Variants in GRM1 observed in about 807,000 individuals in gnomAD.
The protein encoded by GRM1 is glutamate metabotropic receptor 1.
A neutral mutation model predicts 90.9 loss-of-function variants in GRM1; 33 were observed. The observed-to-expected ratio is 0.36, with a 90% CI of 0.28 to 0.49. The LOEUF is 0.49. GRM1 is among the 20% of genes least tolerant of loss of function. GRM1 has a pLI of 0.99. For synonymous variants in GRM1, 700 were observed against 613.2 expected, an observed-to-expected ratio of 1.14 and a Z score of -2.09; for missense variants, 1,190 against 1,534.3, an observed-to-expected ratio of 0.78 and a Z score of 3.75.
intron 2 of GRM1, among the ~76,000 whole-genome samples, chr6:146,233,386 T>G (rs1465854044): frequency 1.3e-5 from 2 of 152,138 alleles, no homozygotes; most frequent in African/African-American, 4.8e-5. Context: ...ATTTACAACA[T>G]GAAAACTGGC....
At chr6:146,428,342 C>T (rs1044669690) in intron 7 of GRM1, among the ~76,000 whole-genome samples, 3 of 152,140 alleles carry the variant, frequency 2.0e-5, no homozygotes, top group Non-Finnish European at 4.4e-5. Context: ...CCATTATGGT[C>T]TGTCTAGATC....
intron 2 of GRM1, among the ~76,000 whole-genome samples, chr6:146,256,149 C>T (rs1269436999): frequency 6.6e-6 from 1 of 152,164 alleles, no homozygotes; most frequent in Admixed American, 6.5e-5. Flanking sequence ...GGATCTGCCA[C>T]TGTGAGCTAT....
rs868355140 is a variant in GRM1, at chr6:146,352,516, A to G, written c.1433+20A>G. ...TGGAAGGTAATCTTTTCAGTAATCA[A>G]TCTAAGTAACCTTGTGAGCCTTCCT... is the stretch of plus-strand genomic sequence containing the variant. On this transcript the variant is annotated intron_variant, in intron 4 of 7. Transcript: ENST00000282753. 18 of 1,612,244 alleles carry G rather than the reference A, an allele frequency of 1.1e-5. No individual in the cohort carries two copies. The Middle Eastern group carries it at 2.7e-3, about 237-fold the overall frequency.
intron 5 of GRM1, among the ~76,000 whole-genome samples, chr6:146,383,292 C>G (rs576929961): frequency 6.6e-6 from 1 of 152,246 alleles, no homozygotes; most frequent in South Asian, 2.1e-4. Context: ...TTTCACCAGT[C>G]ATCCTGCATA....
intron 3 of GRM1, among the ~76,000 whole-genome samples, chr6:146,307,989 C>T (rs1301502117): frequency 6.6e-6 from 1 of 152,172 alleles, no homozygotes; most frequent in Admixed American, 6.5e-5. Flanking sequence ...AAAGCACTAA[C>T]TGAAACATCA....
In GRM1 at chr6:146,109,691, C is replaced by T. The variant is rs558959421; in HGVS notation, c.701-49657C>T. ...TGATAGATCCACTGACAGCTTGCAC[C>T]ATGCACCTGGAAAATCCATAGATAC... On this transcript the variant is annotated intron_variant, in intron 1 of 7. Coordinates refer to ENST00000282753, the MANE Select transcript of GRM1 (RefSeq NM_001278064.2). 2.0e-5 allele frequency among the ~76,000 whole-genome samples: 3 copies of T among 152,264 alleles called. No homozygotes were observed. The South Asian group carries it at 6.2e-4, about 32-fold the overall frequency.
At position 146,239,290 on chromosome 6, in the gene GRM1, G is replaced by A. The variant is rs548635506; in HGVS notation, c.951-65321G>A. 1.4e-4 allele frequency among the ~76,000 whole-genome samples: 21 copies of A among 152,196 alleles called. 1 individual carries two copies. The South Asian group carries it at 4.1e-3, about 30-fold the overall frequency. Reference sequence around the variant, plus strand: ...CTCCTTCTCTAAAAAATGTATCTACGAAGTCTTTGAGATATTTCCACTAAT... The same window carrying A: ...CTCCTTCTCTAAAAAATGTATCTACAAAGTCTTTGAGATATTTCCACTAAT... On this transcript the variant is annotated intron_variant, in intron 2 of 7. Coordinates refer to ENST00000282753, the MANE Select transcript of GRM1 (RefSeq NM_001278064.2).
rs1775609853 is a variant in GRM1 at position 146,364,672 on chromosome 6, T to C, written c.1602+6978T>C. On this transcript the variant is annotated intron_variant, in intron 5 of 7. Coordinates refer to ENST00000282753, the MANE Select transcript of GRM1 (RefSeq NM_001278064.2). ...AAACATAAAAGAAAATATTAAAAAA[T>C]AGTACAATAGTTACTCGCATATCCA... Among the ~76,000 whole-genome samples the C allele has an allele frequency of 2.0e-5, 3 of 151,964 alleles. No homozygotes were observed. The South Asian group carries it at 6.2e-4, about 31-fold the overall frequency.
intron 1 of GRM1, among the ~76,000 whole-genome samples, chr6:146,143,926 G>C (rs1480158174): frequency 6.6e-6 from 1 of 152,180 alleles, no homozygotes; most frequent in African/African-American, 2.4e-5. Context: ...CCAGCTCAAG[G>C]TCATAGCTAG....
intron 1 of GRM1, among the ~76,000 whole-genome samples, chr6:146,136,962 C>T (rs1050753742): frequency 2.7e-5 from 4 of 146,866 alleles, no homozygotes; most frequent in East Asian, 2.1e-4. Context: ...AAGTGATTCT[C>T]CTGCCTCAGC....
At chr6:146,180,762 A>G (rs761956429) in intron 2 of GRM1, among the ~76,000 whole-genome samples, 42 of 152,092 alleles carry the variant, frequency 2.8e-4, no homozygotes, top group Non-Finnish European at 5.4e-4. Context: ...ACTCTTTCCA[A>G]CCCACAGCCT....
At chr6:146,417,242 T>C (rs1461034208) in intron 7 of GRM1, among the ~76,000 whole-genome samples, 1 of 152,228 alleles carries the variant, frequency 6.6e-6, no homozygotes, top group African/African-American at 2.4e-5. Flanking sequence ...CGTTGCATTC[T>C]GGTGCTGTGA....
At chr6:146,059,869 C>T (rs2128853160) in intron 1 of GRM1, among the ~76,000 whole-genome samples, 1 of 152,286 alleles carries the variant, frequency 6.6e-6, no homozygotes, top group South Asian at 2.1e-4. Flanking sequence ...ATCTTTCTTA[C>T]CTCTCTAAGC....
chr6:146,094,621 G>C (rs1267074163), intron 1 of GRM1, among the ~76,000 whole-genome samples: 1 of 152,078 alleles, frequency 6.6e-6, no homozygotes, highest in African/African-American at 2.4e-5. Flanking sequence ...TTAATGGTAT[G>C]ATGACAAATA....
At chr6:146,343,653 T>TA (rs1360973971) in intron 3 of GRM1, among the ~76,000 whole-genome samples, 7 of 144,628 alleles carry the variant, frequency 4.8e-5, no homozygotes, top group Non-Finnish European at 3.0e-5. Flanking sequence ...TTGTTGTTGT[T>TA]TTTATTTATT....
intron 7 of GRM1, among the ~76,000 whole-genome samples, chr6:146,416,868 C>T (rs1376842382): frequency 2.0e-5 from 3 of 152,132 alleles, no homozygotes; most frequent in African/African-American, 7.2e-5. Context: ...CTCTGATTTT[C>T]AGCAGCTTAC....
intron 6 of GRM1, among the ~76,000 whole-genome samples, chr6:146,394,687 A>G (rs1262450699): frequency 1.3e-5 from 2 of 152,166 alleles, no homozygotes; most frequent in Admixed American, 6.5e-5. Flanking sequence ...TTTATAAATT[A>G]GAATGTTTCA....
At chr6:146,138,758 T>A (rs1776724140) in intron 1 of GRM1, among the ~76,000 whole-genome samples, 1 of 152,054 alleles carries the variant, frequency 6.6e-6, no homozygotes, top group Admixed American at 6.6e-5. Flanking sequence ...GGTTTGTCTA[T>A]CTTTTCAAAG....
At chr6:146,347,034 G>A (rs1785212122) in intron 3 of GRM1, among the ~76,000 whole-genome samples, 1 of 152,188 alleles carries the variant, frequency 6.6e-6, no homozygotes, top group Non-Finnish European at 1.5e-5. Flanking sequence ...AGGTACCACT[G>A]TACCTACGTG....
Sources: gnomAD v4.1 joint callset for allele counts (sites outside exome capture counted in the v4.1 genomes callset) on GRCh38, gnomAD v4.1.1 for gene constraint, MANE v1.5 for transcripts, NCBI Gene and HGNC (gene_info 2026-07-23, HGNC 2026-07-21) for gene names.